Variants in KLF12 observed in about 807,000 individuals in gnomAD.
KLF12 encodes Krueppel-like factor 12.
A neutral mutation model predicts 37.8 loss-of-function variants in KLF12; 9 were observed. The observed-to-expected ratio is 0.24, with a 90% CI of 0.14 to 0.42. KLF12 has a LOEUF of 0.42. KLF12 is among the 10% of genes least tolerant of loss of function. KLF12 has a pLI of 1.00. For missense variants in KLF12, 411 were observed against 516.0 expected, an observed-to-expected ratio of 0.80 and a Z score of 1.97; for synonymous variants, 208 against 202.1, an observed-to-expected ratio of 1.03 and a Z score of -0.25.
intron 2 of KLF12, among the ~76,000 whole-genome samples, chr13:73,953,741 G>A (rs1232586672): frequency 6.6e-6 from 1 of 152,032 alleles, no homozygotes; most frequent in Admixed American, 6.6e-5. Flanking sequence ...CTACAACATG[G>A]ATCAGTGAGT....
chr13:73,695,401 T>G lies in KLF12; in HGVS notation c.*89A>C, dbSNP rs1874071260. On this transcript the variant is annotated 3_prime_UTR_variant, in exon 8 of 8. Coordinates refer to ENST00000377669, the MANE Select transcript of KLF12 (RefSeq NM_007249.5). ...ATCGTGGGATGGTGATGCCCTTTTG[T>G]GTTAACACTGTGAAGGGGATTCAGC... 1 of 1,276,198 alleles carries G rather than the reference T, an allele frequency of 7.8e-7. No homozygotes were observed. Among genetic ancestry groups the G allele is most frequent in the Non-Finnish European group, 1.1e-6 (1 of 896,762 alleles). 79.1% of individuals were successfully genotyped at this position (1,276,198 alleles called of 1,614,324 possible). A position where few individuals can be genotyped will look rare whatever the true frequency, so the allele number is the denominator to read the frequency against.
chr13:74,269,349 C>T, the KLF12 span, among the ~76,000 whole-genome samples: 1 of 152,072 alleles, frequency 6.6e-6, no homozygotes, highest in Non-Finnish European at 1.5e-5. Flanking sequence ...CTGCTCATTT[C>T]ATATAGAGCA....
intron 2 of KLF12, among the ~76,000 whole-genome samples, chr13:73,960,182 AAACC>A (rs1322722542): frequency 6.6e-6 from 1 of 152,198 alleles, no homozygotes; most frequent in Non-Finnish European, 1.5e-5. Context: ...TGAGACATTC[AAACC>A]ACCAAATATT....
intron 1 of KLF12, among the ~76,000 whole-genome samples, chr13:74,128,378 G>A (rs1878062248): frequency 7.3e-6 from 1 of 136,592 alleles, no homozygotes; most frequent in Non-Finnish European, 1.7e-5. Context: ...GGGCGGTGGA[G>A]GTATGGCTGG....
the KLF12 span, among the ~76,000 whole-genome samples, chr13:74,225,059 C>T: frequency 6.6e-6 from 1 of 152,056 alleles, no homozygotes. Context: ...TGATTGCATA[C>T]AAATTAGAGA....
At chr13:73,951,883 A>T (rs1191015004) in intron 2 of KLF12, among the ~76,000 whole-genome samples, 1 of 152,226 alleles carries the variant, frequency 6.6e-6, no homozygotes, top group East Asian at 1.9e-4. Flanking sequence ...GAGGACAGAG[A>T]GTTCTCTTTT....
At chr13:74,192,841 G>C in the KLF12 span, among the ~76,000 whole-genome samples, 1 of 152,216 alleles carries the variant, frequency 6.6e-6, no homozygotes, top group Non-Finnish European at 1.5e-5. Flanking sequence ...AATTATGCTG[G>C]CTTAGTGTTT....
intron 1 of KLF12, among the ~76,000 whole-genome samples, chr13:74,101,911 A>G (rs2138873567): frequency 6.6e-6 from 1 of 152,306 alleles, no homozygotes; most frequent in African/African-American, 2.4e-5. Context: ...TAGGCAGGGT[A>G]ACTCAATAAA....
intron 1 of KLF12, among the ~76,000 whole-genome samples, chr13:74,130,768 C>T (rs1878219238): frequency 6.6e-6 from 1 of 152,014 alleles, no homozygotes; most frequent in Non-Finnish European, 1.5e-5. Flanking sequence ...AGCAGAAAAA[C>T]TTATAAACAA....
chr13:74,013,692 A>T (rs1481341593), intron 1 of KLF12, among the ~76,000 whole-genome samples: 1 of 152,158 alleles, frequency 6.6e-6, no homozygotes, highest in African/African-American at 2.4e-5. Context: ...CTCACATAAA[A>T]AACATGCAGC....
chr13:73,799,431 T>C (rs1180599645), intron 5 of KLF12, among the ~76,000 whole-genome samples: 1 of 151,868 alleles, frequency 6.6e-6, no homozygotes, highest in Non-Finnish European at 1.5e-5. Context: ...AAAAAATATA[T>C]ATATATTTTT....
chr13:73,718,713 T>C (rs1594000712), intron 6 of KLF12, among the ~76,000 whole-genome samples: 1 of 152,228 alleles, frequency 6.6e-6, no homozygotes, highest in East Asian at 1.9e-4. Flanking sequence ...GGCAACATGG[T>C]GAAACCCTGT....
At chr13:73,929,400 G>C (rs1271494817) in intron 3 of KLF12, among the ~76,000 whole-genome samples, 1 of 152,146 alleles carries the variant, frequency 6.6e-6, no homozygotes, top group East Asian at 1.9e-4. Context: ...AGATTAAGTA[G>C]CTTGCCCAGG....
intron 1 of KLF12, among the ~76,000 whole-genome samples, chr13:74,070,863 AT>A (rs1464721884): frequency 6.6e-6 from 1 of 152,244 alleles, no homozygotes; most frequent in Non-Finnish European, 1.5e-5. Flanking sequence ...GGAAAAAAAA[AT>A]AATTGATTGA....
chr13:74,091,433 A>G (rs912337722), intron 1 of KLF12, among the ~76,000 whole-genome samples: 7 of 152,162 alleles, frequency 4.6e-5, no homozygotes, highest in African/African-American at 1.7e-4. Flanking sequence ...ATAGAGTATG[A>G]AGACATTTCA....
At chr13:74,013,199 C>A (rs1489014816) in intron 1 of KLF12, among the ~76,000 whole-genome samples, 1 of 152,266 alleles carries the variant, frequency 6.6e-6, no homozygotes. Flanking sequence ...AAAAGGCTAA[C>A]TGGGCATCTC....
the KLF12 span, among the ~76,000 whole-genome samples, chr13:74,157,311 G>T: frequency 6.6e-6 from 1 of 152,074 alleles, no homozygotes; most frequent in East Asian, 1.9e-4. Context: ...AAACTTACAG[G>T]GCTTAAATGG....
At chr13:74,295,559 A>T in the KLF12 span, among the ~76,000 whole-genome samples, 1 of 152,194 alleles carries the variant, frequency 6.6e-6, no homozygotes, top group East Asian at 1.9e-4. Flanking sequence ...TGTTGTTATG[A>T]TTTGTGCTCA....
chr13:74,217,710 G>A, the KLF12 span, among the ~76,000 whole-genome samples: 1 of 152,234 alleles, frequency 6.6e-6, no homozygotes, highest in African/African-American at 2.4e-5. Context: ...CTGGGCGACA[G>A]AGTGAGACTC....
Sources: gnomAD v4.1 joint callset for allele counts (sites outside exome capture counted in the v4.1 genomes callset) on GRCh38, gnomAD v4.1.1 for gene constraint, MANE v1.5 for transcripts, NCBI Gene and HGNC (gene_info 2026-07-23, HGNC 2026-07-21) for gene names.